Variants in LMX1A observed in about 807,000 individuals in gnomAD.
LMX1A encodes the protein LIM homeobox transcription factor 1-alpha.
In LMX1A, 15 loss-of-function variants were observed where a neutral mutation model predicts 49.1. That is an observed-to-expected ratio of 0.31 (90% CI 0.20 to 0.47). The LOEUF (loss-of-function observed/expected upper bound fraction) is 0.47. LMX1A is among the 20% of genes least tolerant of loss of function. The pLI is 1.00. For synonymous variants in LMX1A, 167 were observed against 185.7 expected, an observed-to-expected ratio of 0.90 and a Z score of 0.82; for missense variants, 372 against 475.8, an observed-to-expected ratio of 0.78 and a Z score of 2.03.
intron 3 of LMX1A, among the ~76,000 whole-genome samples, chr1:165,348,608 GC>G (rs150968344): frequency 5.9e-5 from 9 of 152,206 alleles, no homozygotes; most frequent in African/African-American, 2.2e-4. Flanking sequence ...ATAAAGTAAA[GC>G]AAAAATGTAA....
intron 3 of LMX1A, among the ~76,000 whole-genome samples, chr1:165,329,199 T>C (rs1051696509): frequency 6.6e-6 from 1 of 152,140 alleles, no homozygotes; most frequent in African/African-American, 2.4e-5. Flanking sequence ...CAAACACTTA[T>C]AAAATCATCA....
chr1:165,260,878 G>A (rs1206497466), intron 3 of LMX1A, among the ~76,000 whole-genome samples: 1 of 152,112 alleles, frequency 6.6e-6, no homozygotes, highest in Non-Finnish European at 1.5e-5. Flanking sequence ...AAATATCTCT[G>A]GATTATTTAA....
intron 3 of LMX1A, among the ~76,000 whole-genome samples, chr1:165,258,148 A>T (rs796476024): frequency 6.6e-6 from 1 of 152,374 alleles, no homozygotes; most frequent in African/African-American, 2.4e-5. Flanking sequence ...ATTCAGTGCC[A>T]TGTTGACTTG....
intron 3 of LMX1A, among the ~76,000 whole-genome samples, chr1:165,255,211 C>T (rs757117546): frequency 6.6e-6 from 1 of 152,200 alleles, no homozygotes; most frequent in African/African-American, 2.4e-5. Flanking sequence ...AAAGAAGAGA[C>T]CTATGCGCTT....
intron 3 of LMX1A, among the ~76,000 whole-genome samples, chr1:165,267,262 C>T (rs1323857015): frequency 3.3e-5 from 5 of 152,050 alleles, no homozygotes; most frequent in African/African-American, 1.2e-4. Context: ...ATATGTGGCC[C>T]TTTGTGTCTA....
At chr1:165,277,162 A>G (rs555177572) in intron 3 of LMX1A, among the ~76,000 whole-genome samples, 1 of 152,338 alleles carries the variant, frequency 6.6e-6, no homozygotes, top group South Asian at 2.1e-4. Context: ...GTTTGTTGGT[A>G]AAAGATGCAG....
At chr1:165,296,892 T>A (rs1325646008) in intron 3 of LMX1A, among the ~76,000 whole-genome samples, 1 of 152,254 alleles carries the variant, frequency 6.6e-6, no homozygotes, top group South Asian at 2.1e-4. Context: ...AGCAAGAAGG[T>A]GGACCCACAT....
At chr1:165,248,301 G>C (rs1506944) in intron 4 of LMX1A, among the ~76,000 whole-genome samples, 70,656 of 151,984 alleles carry the variant, frequency 0.46, 16,560 homozygotes, top group African/African-American at 0.49. Context: ...AAGGGTGGGA[G>C]TGATCAGAAA....
At chr1:165,294,941 G>C (rs1654575017) in intron 3 of LMX1A, among the ~76,000 whole-genome samples, 1 of 152,138 alleles carries the variant, frequency 6.6e-6, no homozygotes, top group Non-Finnish European at 1.5e-5. Context: ...ACCAGCCTGG[G>C]TGACAGAGCA....
intron 3 of LMX1A, among the ~76,000 whole-genome samples, chr1:165,255,565 G>A (rs1267265634): frequency 6.6e-6 from 1 of 152,184 alleles, no homozygotes; most frequent in African/African-American, 2.4e-5. Flanking sequence ...AGGATTAAAT[G>A]TACATGGAGT....
chr1:165,330,616 A>C (rs1655718717), intron 3 of LMX1A, among the ~76,000 whole-genome samples: 1 of 152,224 alleles, frequency 6.6e-6, no homozygotes, highest in Non-Finnish European at 1.5e-5. Context: ...CAACGGACCA[A>C]AAGTAGGCAG....
At chr1:165,289,409 A>G (rs16842100) in intron 3 of LMX1A, among the ~76,000 whole-genome samples, 7,169 of 152,256 alleles carry the variant, frequency 0.047, 581 homozygotes, top group African/African-American at 0.17. Context: ...CAAGAGTCAG[A>G]TGTAAAATGC....
chr1:165,350,107 A>G (rs1158271104), intron 3 of LMX1A, among the ~76,000 whole-genome samples: 1 of 144,316 alleles, frequency 6.9e-6, no homozygotes, highest in Admixed American at 7.4e-5. Context: ...TTGTCCTACC[A>G]CTTAACTTTC....
intron 3 of LMX1A, among the ~76,000 whole-genome samples, chr1:165,266,595 C>CTTTCTTTCTT (rs1276055004): frequency 1.3e-5 from 1 of 79,184 alleles, no homozygotes; most frequent in Non-Finnish European, 2.2e-5. Context: ...TTCTTTCTTT[C>CTTTCTTTCTT]TTTTTTTTTT....
At chr1:165,251,228 G>T (rs1017278595) in intron 3 of LMX1A, among the ~76,000 whole-genome samples, 1 of 152,012 alleles carries the variant, frequency 6.6e-6, no homozygotes, top group Non-Finnish European at 1.5e-5. Flanking sequence ...GATTAAAGGT[G>T]CATGTCACCA....
At chr1:165,303,901 T>G (rs939838436) in intron 3 of LMX1A, among the ~76,000 whole-genome samples, 1 of 152,162 alleles carries the variant, frequency 6.6e-6, no homozygotes, top group Non-Finnish European at 1.5e-5. Flanking sequence ...ACGCAGATAT[T>G]ATATCTAGTA....
chr1:165,247,054 C>CTTTTTTT lies in LMX1A; in HGVS notation c.496+2347_496+2353dup, dbSNP rs71097567. ...GTTACTTAGATCAGATCAGCTTTTTCTTTTTTTTTTTTTTTTTTTTTTTTT... is the reference window on the plus strand; with the variant it reads ...GTTACTTAGATCAGATCAGCTTTTTCTTTTTTTTTTTTTTTTTTTTTTTTTTTTTTTT... On this transcript the variant is annotated intron_variant, in intron 4 of 8. Transcript: ENST00000342310. 3.0e-4 allele frequency among the ~76,000 whole-genome samples: 16 copies of CTTTTTTT among 53,226 alleles called. 3 individuals are homozygous for CTTTTTTT. Among genetic ancestry groups the CTTTTTTT allele is most frequent in the South Asian group, 2.9e-3 (3 of 1,018 alleles). The allele number at this position is 53,226 out of a possible 152,430, so 34.9% of individuals were successfully genotyped here.
intron 4 of LMX1A, among the ~76,000 whole-genome samples, chr1:165,219,412 G>T (rs1651759367): frequency 6.6e-6 from 1 of 152,094 alleles, no homozygotes; most frequent in African/African-American, 2.4e-5. Context: ...TAGACAGGGG[G>T]AGTAGAGGAA....
chr1:165,328,922 T>A (rs934243646), intron 3 of LMX1A, among the ~76,000 whole-genome samples: 1 of 152,206 alleles, frequency 6.6e-6, no homozygotes, highest in Admixed American at 6.5e-5. Flanking sequence ...CATTGTGGTA[T>A]CAATGTGCAT....
Sources: gnomAD v4.1 joint callset for allele counts (sites outside exome capture counted in the v4.1 genomes callset) on GRCh38, gnomAD v4.1.1 for gene constraint, MANE v1.5 for transcripts, NCBI Gene and HGNC (gene_info 2026-07-23, HGNC 2026-07-21) for gene names.